Variants in BCO1 observed in about 807,000 individuals in gnomAD.
BCO1 encodes beta,beta-carotene 15,15'-dioxygenase.
Under a neutral mutation model 56.3 loss-of-function variants are expected in BCO1, and 54 were observed. The observed-to-expected ratio is 0.96, with a 90% confidence interval of 0.77 to 1.20. The LOEUF (loss-of-function observed/expected upper bound fraction) is 1.20, where lower values mean the gene tolerates loss of function less well. Among genes scored for constraint, BCO1 ranks in the 50% most tolerant of loss-of-function variants. BCO1 has a pLI of 0.00. For synonymous variants in BCO1, 318 were observed against 266.1 expected (o/e 1.20, Z -1.90); for missense variants, 801 against 690.9 (o/e 1.16, Z -1.79).
intron 5 of BCO1, among the ~76,000 whole-genome samples, chr16:81,265,723 C>T (rs1187774455): frequency 6.6e-6 from 1 of 151,378 alleles, no homozygotes. Flanking sequence ...CATCCACCCA[C>T]CCACCATGAA....
chr16:81,290,094 T>A (rs1383886244), intron 10 of BCO1, among the ~76,000 whole-genome samples: 3 of 152,128 alleles, frequency 2.0e-5, no homozygotes, highest in Non-Finnish European at 4.4e-5. Flanking sequence ...AAACTCCTGA[T>A]CTGAAGTGAT....
At chr16:81,254,999 T>A (rs1326130102) in intron 2 of BCO1, among the ~76,000 whole-genome samples, 1 of 152,142 alleles carries the variant, frequency 6.6e-6, no homozygotes, top group Non-Finnish European at 1.5e-5. Context: ...GCCCAAGTAG[T>A]CTTGAACTCC....
At chr16:81,270,692 C>CTCTGTGTGTGTGTGTGTGTG (rs146010684) in intron 7 of BCO1, among the ~76,000 whole-genome samples, 2 of 143,694 alleles carry the variant, frequency 1.4e-5, no homozygotes, top group Non-Finnish European at 3.0e-5. Flanking sequence ...CTCTCTGTGT[C>CTCTGTGTGTGTGTGTGTGTG]TGTGTGTGTG....
At chr16:81,250,443 G>A (rs1352779202) in intron 2 of BCO1, among the ~76,000 whole-genome samples, 1 of 152,084 alleles carries the variant, frequency 6.6e-6, no homozygotes, top group Non-Finnish European at 1.5e-5. Context: ...ATGGTGGGAA[G>A]ATACACCAGA....
chr16:81,269,643 A>G (rs962482806), intron 6 of BCO1, among the ~76,000 whole-genome samples: 1 of 151,918 alleles, frequency 6.6e-6, no homozygotes, highest in African/African-American at 2.4e-5. Context: ...AATTTTTTGT[A>G]TTTTTAGTAG....
chr16:81,271,549 C>G (rs1246813456), intron 7 of BCO1, among the ~76,000 whole-genome samples: 1 of 152,200 alleles, frequency 6.6e-6, no homozygotes, highest in Non-Finnish European at 1.5e-5. Flanking sequence ...ACCTCCTAGT[C>G]TTCCCCTCCC....
In BCO1 at chr16:81,270,306, C is replaced by T. The variant is rs774139831; in HGVS notation, c.991C>T (p.Leu331Phe). The T allele has an allele frequency of 4.3e-6, 7 of 1,614,070 alleles. No homozygotes were observed. The South Asian group carries it at 6.6e-5, about 15-fold the overall frequency. Residue 331 changes from leucine (L) to phenylalanine (F), a missense_variant, in exon 7 of 11, where the codon CTC becomes TTC. By Grantham distance (22) the Leu-to-Phe change is conservative (BLOSUM62 0). Transcript: ENST00000258168. Reference protein sequence around the residue: ...FDVIAYEDNSLYQLFYLANLN... With the variant: ...FDVIAYEDNSFYQLFYLANLN... ...CGTCATTGCCTACGAGGACAACAGC[C>T]TCTACCAGCTCTTCTACCTGGCCAA...
intron 6 of BCO1, among the ~76,000 whole-genome samples, chr16:81,269,403 C>G (rs1907046352): frequency 6.6e-6 from 1 of 151,732 alleles, no homozygotes; most frequent in Admixed American, 6.6e-5. Context: ...TCAAGCTATT[C>G]TCCTCTCTCA....
intron 1 of BCO1, among the ~76,000 whole-genome samples, chr16:81,241,250 T>C (rs1046709600): frequency 1.3e-5 from 2 of 151,556 alleles, no homozygotes; most frequent in African/African-American, 4.8e-5. Flanking sequence ...GAGGCAGAGG[T>C]TGTAGTGAGC....
intron 3 of BCO1, among the ~76,000 whole-genome samples, chr16:81,261,582 T>G (rs917941946): frequency 2.0e-5 from 3 of 152,128 alleles, no homozygotes; most frequent in African/African-American, 7.2e-5. Flanking sequence ...CCTTTGGGTT[T>G]TGGGGAGCCC....
Position 81,285,555 on chromosome 16 carries a change from G to T in BCO1, c.1223G>T (p.Arg408Leu). 1 of 1,613,330 alleles carries T rather than the reference G, an allele frequency of 6.2e-7. No homozygotes were observed. Among genetic ancestry groups the T allele is most frequent in the South Asian group, 1.1e-5 (1 of 91,066 alleles). ...EFLYEGLELP[R>L]VNYAHNGKQY... The stretch of plus-strand genomic sequence containing the variant: ...TTCCTTGTAGGCTTAGAGCTTCCAC[G>T]GGTCAATTATGCTCACAATGGAAAG... Residue 408 changes from arginine to leucine, a missense_variant, in exon 9 of 11, where the codon CGG becomes CTG. Transcript: ENST00000258168.
intron 2 of BCO1, among the ~76,000 whole-genome samples, chr16:81,250,012 G>A (rs1014280485): frequency 2.0e-5 from 3 of 152,130 alleles, no homozygotes; most frequent in Admixed American, 2.0e-4. Flanking sequence ...GTAGACAGAG[G>A]CAATACTTTC....
At chr16:81,253,280 G>C (rs1278890356) in intron 2 of BCO1, among the ~76,000 whole-genome samples, 1 of 152,142 alleles carries the variant, frequency 6.6e-6, no homozygotes, top group Non-Finnish European at 1.5e-5. Flanking sequence ...TCTGTCTACT[G>C]CATCTCAATA....
intron 1 of BCO1, among the ~76,000 whole-genome samples, chr16:81,244,090 C>A: frequency 6.6e-6 from 1 of 152,218 alleles, no homozygotes. Context: ...GCTCTTCCTG[C>A]ATGTAGGCAA....
At chr16:81,259,581 C>T (rs1906354546) in intron 2 of BCO1, 95 bp from the exon 3 acceptor site, 1 of 1,523,990 alleles carries the variant, frequency 6.6e-7, no homozygotes, top group African/African-American at 1.4e-5. Context: ...AAATAACCAC[C>T]TTCTTCTCCC....
intron 2 of BCO1, among the ~76,000 whole-genome samples, chr16:81,246,057 G>C (rs1905395714): frequency 6.6e-6 from 1 of 151,658 alleles, no homozygotes; most frequent in South Asian, 2.1e-4. Context: ...TCAAACTCCT[G>C]ACCTCAGATG....
At chr16:81,281,365 G>T (rs1443531986) in intron 8 of BCO1, among the ~76,000 whole-genome samples, 1 of 152,202 alleles carries the variant, frequency 6.6e-6, no homozygotes, top group Non-Finnish European at 1.5e-5. Context: ...AGAATCACTT[G>T]AGCCCAGGAG....
intron 6 of BCO1, among the ~76,000 whole-genome samples, chr16:81,269,451 A>G (rs560034455): frequency 1.7e-4 from 26 of 151,914 alleles, no homozygotes; most frequent in South Asian, 4.2e-4. Flanking sequence ...ACACGCCACA[A>G]TGCCTAGTGA....
At chr16:81,285,965 C>T (rs912848763) in intron 9 of BCO1, among the ~76,000 whole-genome samples, 2 of 152,120 alleles carry the variant, frequency 1.3e-5, no homozygotes, top group Admixed American at 6.5e-5. Flanking sequence ...CTAAGGAACT[C>T]ACCCTCTCCA....
Sources: gnomAD v4.1 joint callset for allele counts (sites outside exome capture counted in the v4.1 genomes callset) on GRCh38, gnomAD v4.1.1 for gene constraint, MANE v1.5 for transcripts, NCBI Gene and HGNC (gene_info 2026-07-23, HGNC 2026-07-21) for gene names.